TMEM74: variants seen among roughly 807,000 people sequenced by gnomAD.
TMEM74 encodes transmembrane protein 74.
A neutral mutation model predicts 18.1 loss-of-function variants in TMEM74; 13 were observed. The observed-to-expected ratio is 0.72, with a 90% CI of 0.47 to 1.14. The LOEUF is 1.14. TMEM74 is among the 50% of genes most tolerant of loss of function. The pLI is 0.00. For missense variants in TMEM74, 372 were observed against 375.9 expected (o/e 0.99, Z 0.09); for synonymous variants, 159 against 146.6 (o/e 1.08, Z -0.61).
At chr8:108,609,107 T>G (rs1205542162) in intron 2 of TMEM74, among the ~76,000 whole-genome samples, 1 of 152,240 alleles carries the variant, frequency 6.6e-6, no homozygotes, top group Admixed American at 6.5e-5. Context: ...ATGGTTTCCC[T>G]CTTTGATCAT....
At chr8:108,736,502 G>A (rs1032477094) in intron 1 of TMEM74, among the ~76,000 whole-genome samples, 1 of 152,010 alleles carries the variant, frequency 6.6e-6, no homozygotes, top group Non-Finnish European at 1.5e-5. Context: ...CTTCCTGTTG[G>A]TATCATAGAA....
At chr8:108,676,759 A>G (rs1813059897) in intron 1 of TMEM74, among the ~76,000 whole-genome samples, 1 of 152,110 alleles carries the variant, frequency 6.6e-6, no homozygotes, top group African/African-American at 2.4e-5. Flanking sequence ...CTCAACGAAA[A>G]TCTCACCTGC....
At chr8:108,652,600 T>A (rs1286565765) in intron 2 of TMEM74, 1 of 620,988 alleles carries the variant, frequency 1.6e-6, no homozygotes, top group Non-Finnish European at 3.0e-6. Flanking sequence ...ACAGAGACAC[T>A]GGGAAAAGAT....
chr8:108,641,783 A>G (rs1241640945), intron 2 of TMEM74, among the ~76,000 whole-genome samples: 4 of 152,014 alleles, frequency 2.6e-5, no homozygotes, highest in Non-Finnish European at 5.9e-5. Flanking sequence ...GCTAGCTGTC[A>G]TGGAAGCCTT....
intron 1 of TMEM74, among the ~76,000 whole-genome samples, chr8:108,755,677 A>C (rs1241051008): frequency 6.6e-6 from 1 of 152,088 alleles, no homozygotes; most frequent in Non-Finnish European, 1.5e-5. Context: ...TGTTTAAGAA[A>C]TGATTGTGAA....
chr8:108,732,876 A>T (rs1229801986), intron 1 of TMEM74, among the ~76,000 whole-genome samples: 1 of 151,578 alleles, frequency 6.6e-6, no homozygotes, highest in Non-Finnish European at 1.5e-5. Context: ...TTAATTGTCT[A>T]AAAAAAATGC....
Position 108,783,192 on chromosome 8 carries a change from C to A in TMEM74, c.*989G>T, listed in dbSNP as rs904407172. On this transcript the variant is annotated 3_prime_UTR_variant, in exon 2 of 2. Coordinates refer to ENST00000297459, the MANE Select transcript of TMEM74 (RefSeq NM_153015.3). ...GGCCTACAGCAAGTGATACAGCCTG[C>A]GAGGCACAGTCCCCAAAAGTCTAGC... 1.3e-5 allele frequency among the ~76,000 whole-genome samples: 2 copies of A among 152,060 alleles called. No homozygotes were observed. The highest frequency in any genetic ancestry group is 2.4e-5 in the African/African-American group (1 of 41,408).
At chr8:108,697,077 A>C (rs1056265354) in intron 1 of TMEM74, among the ~76,000 whole-genome samples, 1 of 152,128 alleles carries the variant, frequency 6.6e-6, no homozygotes, top group African/African-American at 2.4e-5. Flanking sequence ...TAATGTGTCC[A>C]CAGTAGAAAG....
At chr8:108,756,684 G>GAAAGAAAGAAAGAAAGAA (rs1813974252) in intron 1 of TMEM74, among the ~76,000 whole-genome samples, 1 of 108,746 alleles carries the variant, frequency 9.2e-6, no homozygotes, top group African/African-American at 4.1e-5. Flanking sequence ...AAGAAAGAAA[G>GAAAGAAAGAAAGAAAGAA]AAAGAAAGAA....
At chr8:108,683,679 AT>A (rs1813138321) in intron 1 of TMEM74, among the ~76,000 whole-genome samples, 2 of 152,120 alleles carry the variant, frequency 1.3e-5, no homozygotes, top group African/African-American at 2.4e-5. Context: ...ACCAGGATAA[AT>A]TAGTCTATCC....
chr8:108,610,005 G>A (rs1460946237), intron 2 of TMEM74, among the ~76,000 whole-genome samples: 1 of 152,190 alleles, frequency 6.6e-6, no homozygotes, highest in East Asian at 1.9e-4. Flanking sequence ...AAATATTTCT[G>A]TCAGTGGCTG....
chr8:108,719,284 A>T (rs1021570368), intron 1 of TMEM74, among the ~76,000 whole-genome samples: 2 of 152,080 alleles, frequency 1.3e-5, no homozygotes, highest in African/African-American at 4.8e-5. Flanking sequence ...CATTATCATG[A>T]TTAACTACCT....
chr8:108,642,980 T>C lies in TMEM74; in HGVS notation n.264+12313A>G, dbSNP rs188651406. ...CATTTATTGGTGTACTCAACAAACA[T>C]TTATGAGCACTCACTATATACCCCT... On this transcript the variant is annotated intron_variant and non_coding_transcript_variant, in intron 2 of 3. Transcript: ENST00000518838. Among the ~76,000 whole-genome samples, 940 of 152,262 alleles carry C rather than the reference T, an allele frequency of 6.2e-3. 13 individuals are homozygous for C. Among genetic ancestry groups the C allele is most frequent in the African/African-American group, 0.022 (897 of 41,558 alleles).
At chr8:108,630,247 C>T (rs545015081) in intron 2 of TMEM74, among the ~76,000 whole-genome samples, 1 of 151,780 alleles carries the variant, frequency 6.6e-6, no homozygotes, top group South Asian at 2.1e-4. Context: ...AAGGGCATTA[C>T]ATAAAAGGAT....
rs185017351 is a variant in TMEM74, at chr8:108,700,594, T to C, written n.120-45157A>G. Among the ~76,000 whole-genome samples, 4 of 152,238 alleles carry C rather than the reference T, an allele frequency of 2.6e-5. No homozygotes were observed. The East Asian group carries it at 7.7e-4, about 29-fold the overall frequency. ...CATGGCCAGTGTTGATCAACACTGC[T>C]TTACTGAGAAGTGCAATCAGATAGC... is the stretch of plus-strand genomic sequence containing the variant. On this transcript the variant is annotated intron_variant and non_coding_transcript_variant, in intron 1 of 3. Transcript: ENST00000518838.
intron 1 of TMEM74, among the ~76,000 whole-genome samples, chr8:108,684,944 T>C (rs915346687): frequency 1.3e-4 from 20 of 152,044 alleles, no homozygotes; most frequent in Non-Finnish European, 2.8e-4. Flanking sequence ...ATGAAAATTT[T>C]AGGAGTTTTT....
At chr8:108,709,502 A>G (rs1813453376) in intron 1 of TMEM74, among the ~76,000 whole-genome samples, 11 of 152,190 alleles carry the variant, frequency 7.2e-5, no homozygotes, top group Admixed American at 7.2e-4. Flanking sequence ...CAGAGAATAC[A>G]GTAGTGGTTG....
intron 2 of TMEM74, among the ~76,000 whole-genome samples, chr8:108,642,309 G>T (rs1489337585): frequency 1.3e-5 from 2 of 149,626 alleles, no homozygotes; most frequent in Non-Finnish European, 3.0e-5. Flanking sequence ...TGAGACAGGA[G>T]AATTGCTTGA....
intron 1 of TMEM74, among the ~76,000 whole-genome samples, chr8:108,698,534 T>A (rs562739890): frequency 6.6e-6 from 1 of 152,312 alleles, no homozygotes; most frequent in Non-Finnish European, 1.5e-5. Flanking sequence ...GTGGATGGCA[T>A]GTAGGAAGAT....
Sources: allele counts gnomAD v4.1 joint callset (sites outside exome capture counted in the v4.1 genomes callset), GRCh38; gene constraint gnomAD v4.1.1; transcripts MANE v1.5; gene names NCBI Gene and HGNC (gene_info 2026-07-23, HGNC 2026-07-21).